DNAH6: variants seen among roughly 807,000 people sequenced by gnomAD.
The protein encoded by DNAH6 is axonemal beta dynein heavy chain 6.
Under a neutral mutation model 491.4 loss-of-function variants are expected in DNAH6, and 340 were observed. The ratio of observed to expected loss-of-function variants is 0.69; its 90% CI spans 0.63 to 0.76. The LOEUF is 0.76. DNAH6 is among the 30% of genes least tolerant of loss of function. The pLI is 0.00. For missense variants in DNAH6, 4,443 were observed against 4,972.2 expected (o/e 0.89, Z 3.20); for synonymous variants, 1,603 against 1,686.1 (o/e 0.95, Z 1.21).
intron 72 of DNAH6, among the ~76,000 whole-genome samples, chr2:84,811,507 G>T (rs1679972156): frequency 6.6e-6 from 1 of 152,072 alleles, no homozygotes; most frequent in Admixed American, 6.5e-5. Flanking sequence ...GTTTTAAGGA[G>T]GTGTTTCCAG....
In DNAH6 at chr2:84,697,589, G is replaced by T; in HGVS notation, c.7539G>T (p.Glu2513Asp). The T allele has an allele frequency of 6.4e-7, 1 of 1,551,766 alleles. No homozygotes were observed. Among genetic ancestry groups the T allele is most frequent in the South Asian group, 1.2e-5 (1 of 84,038 alleles). The change falls in exon 47 of 77, where the codon GAG becomes GAT. Residue 2513 changes from glutamate (E) to aspartate (D), a missense_variant. Glu to Asp is a conservative substitution (Grantham distance 45, BLOSUM62 2). Coordinates refer to ENST00000389394, the MANE Select transcript of DNAH6 (RefSeq NM_001370.2). ...LFTDTQIVVEEFLEDINNILN... is the reference protein window; with the variant it reads ...LFTDTQIVVEDFLEDINNILN... ...TTCTTCTACAGATTGTAGTGGAGGA[G>T]TTCCTAGAAGATATAAATAACATCC...
intron 59 of DNAH6, 79 bp downstream of exon 59, chr2:84,718,463 G>A (rs1697763624): frequency 8.1e-7 from 1 of 1,239,042 alleles, no homozygotes; most frequent in African/African-American, 1.6e-5. Flanking sequence ...GGTCCTGCAA[G>A]GGCTTTTAAA....
intron 57 of DNAH6, among the ~76,000 whole-genome samples, chr2:84,713,882 G>A (rs1697281964): frequency 6.6e-6 from 1 of 152,160 alleles, no homozygotes; most frequent in Non-Finnish European, 1.5e-5. Context: ...CCCTTCTCAT[G>A]CTCTTAGATT....
At chr2:84,483,064 G>C in the DNAH6 span, among the ~76,000 whole-genome samples, 1 of 151,616 alleles carries the variant, frequency 6.6e-6, no homozygotes, top group Non-Finnish European at 1.5e-5. Context: ...AGGCTCAAGT[G>C]ATCCTCCCAC....
chr2:84,782,113 C>T (rs1467069590), intron 65 of DNAH6, among the ~76,000 whole-genome samples: 2 of 152,152 alleles, frequency 1.3e-5, no homozygotes, highest in African/African-American at 4.8e-5. Flanking sequence ...CAGAGCCACA[C>T]CTAACCCATG....
chr2:84,794,584 C>T (rs1214904231), intron 68 of DNAH6, among the ~76,000 whole-genome samples: 1 of 150,734 alleles, frequency 6.6e-6, no homozygotes, highest in African/African-American at 2.4e-5. Context: ...CAAATGCTCA[C>T]CATCACTGGC....
chr2:84,571,719 C>T (rs1681896126), intron 11 of DNAH6, among the ~76,000 whole-genome samples: 1 of 150,966 alleles, frequency 6.6e-6, no homozygotes, highest in Non-Finnish European at 1.5e-5. Context: ...CAAGAGCAGC[C>T]TGGCCAAGAC....
chr2:84,535,742 G>T (rs184110772), intron 4 of DNAH6, among the ~76,000 whole-genome samples: 78 of 150,862 alleles, frequency 5.2e-4, no homozygotes, highest in African/African-American at 1.7e-3. Flanking sequence ...TGATATAGAT[G>T]ATCATAATCC....
chr2:84,733,530 T>C lies in DNAH6; in HGVS notation c.10293T>C (p.Phe3431=). ...ACTTGGAAGAATCATTTCCAGTTTT[T>C]CACGGACTTACCCAAAATATATTGT... is the stretch of plus-strand genomic sequence containing the variant. ...CCDLEESFPV[F]HGLTQNILSH... is the part of the protein sequence containing the mutation. Residue 3431 remains phenylalanine (F), a synonymous_variant, in exon 62 of 77, where the codon TTT becomes TTC. Coordinates refer to ENST00000389394, the MANE Select transcript of DNAH6 (RefSeq NM_001370.2). The C allele has an allele frequency of 6.4e-7, 1 of 1,551,672 alleles. No individual in the cohort carries two copies. Among genetic ancestry groups the C allele is most frequent in the Non-Finnish European group, 8.7e-7 (1 of 1,146,946 alleles).
intron 15 of DNAH6, among the ~76,000 whole-genome samples, chr2:84,587,397 A>T (rs1468686679): frequency 6.6e-6 from 1 of 152,178 alleles, no homozygotes; most frequent in Non-Finnish European, 1.5e-5. Context: ...GCTATTGTGG[A>T]TAGTGCTGCA....
At chr2:84,769,547 G>A (rs1268174056) in intron 64 of DNAH6, among the ~76,000 whole-genome samples, 1 of 152,180 alleles carries the variant, frequency 6.6e-6, no homozygotes, top group Non-Finnish European at 1.5e-5. Context: ...GCTTAGCAAT[G>A]GTGTGAGTTC....
intron 11 of DNAH6, among the ~76,000 whole-genome samples, chr2:84,572,672 G>A (rs1682014427): frequency 6.6e-6 from 1 of 152,150 alleles, no homozygotes; most frequent in Non-Finnish European, 1.5e-5. Flanking sequence ...ACTTTCCCTA[G>A]CATTGGTGTG....
chr2:84,770,131 A>G (rs940990064), intron 64 of DNAH6, among the ~76,000 whole-genome samples: 4 of 152,256 alleles, frequency 2.6e-5, no homozygotes, highest in African/African-American at 4.8e-5. Context: ...CTAGCTGAAC[A>G]CTAAACTGAT....
At chr2:84,517,783 CT>C in intron 1 of DNAH6, 35 bp from the exon 2 acceptor site, 2 of 1,491,956 alleles carry the variant, frequency 1.3e-6, no homozygotes, top group Non-Finnish European at 1.8e-6. Context: ...TTTTGATCTA[CT>C]TTTCATTTTC....
At chr2:84,548,171 C>T (rs563640710) in intron 7 of DNAH6, 117 bp from the exon 8 acceptor site, 76 of 1,133,184 alleles carry the variant, frequency 6.7e-5, no homozygotes, top group South Asian at 4.8e-4. Context: ...TGAATTGCTT[C>T]GTGTACCAAA....
At position 84,653,879 on chromosome 2, in the gene DNAH6, G is replaced by A. The variant is rs1242319839; in HGVS notation, c.5634+5G>A. The A allele has an allele frequency of 5.2e-6, 8 of 1,541,218 alleles. No homozygotes were observed. Among genetic ancestry groups the A allele is most frequent in the South Asian group, 4.9e-5 (4 of 82,432 alleles). On this transcript the variant is annotated splice_donor_5th_base_variant and intron_variant, in intron 34 of 76. Transcript: ENST00000389394. ...CAAATTCACATGCTTTTTGAGGTAA[G>A]TGTACACATTACTGTGGAGTGAAAT...
At chr2:84,642,079 A>G (rs1480316056) in intron 33 of DNAH6, 25 bp downstream of exon 33, 5 of 1,443,942 alleles carry the variant, frequency 3.5e-6, no homozygotes, top group Non-Finnish European at 4.8e-6. Context: ...ATTACCAAGT[A>G]AAGCATGGCT....
Position 84,727,712 on chromosome 2 carries a change from T to C in DNAH6, c.10016T>C (p.Leu3339Pro). Residue 3339 changes from leucine to proline, a missense_variant, in exon 61 of 77, where the codon CTA becomes CCA. Physicochemically the swap from Leu to Pro is moderately conservative, Grantham distance 98. This residue lies in a region of DNAH6 where 1,463 missense variants were observed against 1,656.6 expected (regional missense o/e 0.88). Coordinates refer to ENST00000389394, the MANE Select transcript of DNAH6 (RefSeq NM_001370.2). Reference protein sequence around the residue: ...TIETSVKTENLQQRLDVLLEQ... With the variant: ...TIETSVKTENPQQRLDVLLEQ... ...GAAACTTCTGTAAAGACAGAAAATC[T>C]ACAACAGCGCCTGGACGTACTACTA... is the stretch of plus-strand genomic sequence containing the variant. 6.4e-7 allele frequency: 1 copy of C among 1,551,560 alleles called. No homozygotes were observed. The highest frequency in any genetic ancestry group is 8.7e-7 in the Non-Finnish European group (1 of 1,146,850).
At chr2:84,774,410 T>C (rs1675929267) in intron 64 of DNAH6, among the ~76,000 whole-genome samples, 1 of 152,146 alleles carries the variant, frequency 6.6e-6, no homozygotes, top group Admixed American at 6.6e-5. Flanking sequence ...TCTATTCTAT[T>C]CTATTGGTCT....
Sources: gnomAD v4.1 joint callset for allele counts (sites outside exome capture counted in the v4.1 genomes callset) on GRCh38, gnomAD v4.1.1 for gene constraint, gnomAD v4.1.1 regional missense constraint, MANE v1.5 for transcripts, NCBI Gene and HGNC (gene_info 2026-07-23, HGNC 2026-07-21) for gene names.